Variants in LEMD1 observed in about 807,000 individuals in gnomAD.
The protein encoded by LEMD1 is LEM domain containing 1.
A neutral mutation model predicts 17.4 loss-of-function variants in LEMD1; 18 were observed. The observed-to-expected ratio is 1.04, with a 90% CI of 0.72 to 1.54. LEMD1 has a LOEUF of 1.54. Ranked by LOEUF, LEMD1 falls within the 40% of genes most tolerant of loss-of-function variation. The pLI, the probability that LEMD1 is intolerant of heterozygous loss-of-function variation, is 0.00. For missense variants in LEMD1, 195 were observed against 210.4 expected, an observed-to-expected ratio of 0.93 and a Z score of 0.45; for synonymous variants, 88 against 77.8, an observed-to-expected ratio of 1.13 and a Z score of -0.69.
chr1:205,448,475 C>T lies in LEMD1; in HGVS notation c.-39+1393G>A, dbSNP rs1666441948. 1 of 504,392 alleles carries T rather than the reference C, an allele frequency of 2.0e-6. No individual in the cohort carries two copies. The highest frequency in any genetic ancestry group is 4.0e-6 in the Non-Finnish European group (1 of 248,878). 31.2% of individuals were successfully genotyped at this position (504,392 alleles called of 1,614,324 possible). Reference sequence around the variant, plus strand: ...GAGAAGCCCTCACTCCCCTTCTCAGCACCCCCGACCCCAGACCCACCCACA... The same window carrying T: ...GAGAAGCCCTCACTCCCCTTCTCAGTACCCCCGACCCCAGACCCACCCACA... On this transcript the variant is annotated intron_variant, in intron 1 of 3. Transcript: ENST00000367154. The surrounding 1 kb of genome is among the most constrained non-coding windows in gnomAD (Gnocchi z 4.7).
chr1:205,405,435 C>T (rs1314301665), intron 4 of LEMD1, among the ~76,000 whole-genome samples: 8 of 149,058 alleles, frequency 5.4e-5, no homozygotes, highest in African/African-American at 1.5e-4. Context: ...CTTCCCTTCT[C>T]GCTTCATTTC....
chr1:205,384,875 A>G (rs932479858), intron 4 of LEMD1, among the ~76,000 whole-genome samples: 3 of 152,002 alleles, frequency 2.0e-5, no homozygotes, highest in Non-Finnish European at 2.9e-5. Flanking sequence ...TGCTAATTCT[A>G]TTGATCAAGC....
chr1:205,425,625 C>G (rs1258057158), upstream of LEMD1, among the ~76,000 whole-genome samples: 1 of 152,164 alleles, frequency 6.6e-6, no homozygotes, highest in Non-Finnish European at 1.5e-5. Context: ...AGACTCCACT[C>G]TCAAGGAGCA....
Position 205,381,663 on chromosome 1 carries a change from C to G in LEMD1, c.541G>C (p.Gly181Arg). The change falls in exon 6 of 6, where the codon GGT (glycine) becomes CGT (arginine). Residue 181 changes from glycine (G) to arginine (R), a missense_variant. By Grantham distance (125) the Gly-to-Arg change is moderately radical. Transcript: ENST00000367153. ...YLTVENKSLFG is the reference protein window; with the variant it reads ...YLTVENKSLFR ...TTGCTTTGCTCCTAAATTACTTAAC[C>G]AAACAGCGACTTATTTTCCACAGTC... The G allele has an allele frequency of 6.2e-7, 1 of 1,614,166 alleles. No homozygotes were observed. Among genetic ancestry groups the G allele is most frequent in the Non-Finnish European group, 8.5e-7 (1 of 1,180,000 alleles).
intron 4 of LEMD1, among the ~76,000 whole-genome samples, chr1:205,406,052 G>A (rs555812184): frequency 9.3e-4 from 141 of 152,160 alleles, no homozygotes; most frequent in African/African-American, 3.3e-3. Flanking sequence ...CTGTCTGATC[G>A]TTCCTCTGGA....
At chr1:205,390,179 A>C (rs745386435) in intron 4 of LEMD1, among the ~76,000 whole-genome samples, 3 of 151,988 alleles carry the variant, frequency 2.0e-5, no homozygotes, top group African/African-American at 4.8e-5. Context: ...ACATGGTGAA[A>C]CTCCACCTCT....
intron 4 of LEMD1, among the ~76,000 whole-genome samples, chr1:205,390,826 T>G (rs1664296356): frequency 6.6e-6 from 1 of 152,182 alleles, no homozygotes; most frequent in Non-Finnish European, 1.5e-5. Flanking sequence ...TGAAGGACAT[T>G]AAAGGAAATT....
At chr1:205,387,480 A>C (rs2102342714) in intron 4 of LEMD1, 1 of 152,310 alleles carries the variant, frequency 6.6e-6, no homozygotes, top group South Asian at 2.1e-4. Context: ...TCATCTTTTA[A>C]AAAATTCCAT....
intron 4 of LEMD1, among the ~76,000 whole-genome samples, chr1:205,395,620 G>T (rs2102369009): frequency 6.7e-6 from 1 of 149,396 alleles, no homozygotes; most frequent in South Asian, 2.1e-4. Context: ...AAAAAAAAGA[G>T]AAAGAAATTG....
intron 2 of LEMD1, among the ~76,000 whole-genome samples, chr1:205,420,178 C>T (rs755656231): frequency 1.4e-4 from 21 of 152,154 alleles, no homozygotes; most frequent in Non-Finnish European, 2.5e-4. Flanking sequence ...ATTAGTGGGG[C>T]ATGGTGGTGT....
chr1:205,422,151 G>C (rs1665984045), upstream of LEMD1: 1 of 152,174 alleles, frequency 6.6e-6, no homozygotes, highest in Non-Finnish European at 1.5e-5. Flanking sequence ...CATAGCAACA[G>C]ATTGATGTGC....
At chr1:205,409,515 A>G (rs1180121918) in intron 4 of LEMD1, among the ~76,000 whole-genome samples, 1 of 152,170 alleles carries the variant, frequency 6.6e-6, no homozygotes, top group East Asian at 1.9e-4. Context: ...TTATTTATAG[A>G]TGAGGAAACT....
At chr1:205,406,586 C>A (rs922351541) in intron 4 of LEMD1, among the ~76,000 whole-genome samples, 1 of 152,196 alleles carries the variant, frequency 6.6e-6, no homozygotes, top group Admixed American at 6.5e-5. Flanking sequence ...TGGGAGTGGC[C>A]CGATTTTCCA....
chr1:205,420,075 TG>T (rs1257150986), intron 2 of LEMD1, among the ~76,000 whole-genome samples: 2 of 152,170 alleles, frequency 1.3e-5, no homozygotes, highest in East Asian at 3.9e-4. Flanking sequence ...TCCAGCACTT[TG>T]GGAGGCCAAG....
chr1:205,433,483 G>A (rs559356183), intron 1 of LEMD1, among the ~76,000 whole-genome samples: 1 of 152,168 alleles, frequency 6.6e-6, no homozygotes, highest in South Asian at 2.1e-4. Context: ...ATATTAAATT[G>A]TGAGTTTCTC....
At chr1:205,411,846 C>T (rs889194477) in intron 4 of LEMD1, among the ~76,000 whole-genome samples, 1 of 152,030 alleles carries the variant, frequency 6.6e-6, no homozygotes, top group Non-Finnish European at 1.5e-5. Context: ...CTGGCAGGGA[C>T]GAGCATGTTG....
chr1:205,434,976 G>A (rs754848770), intron 1 of LEMD1: 1 of 152,186 alleles, frequency 6.6e-6, no homozygotes, highest in Non-Finnish European at 1.5e-5. Context: ...TACTCCAGGT[G>A]CATAGATTCG....
At position 205,434,032 on chromosome 1, in the gene LEMD1, A is replaced by G. The variant is rs559605325; in HGVS notation, c.-38-13458T>C. On this transcript the variant is annotated intron_variant, in intron 1 of 3. Transcript: ENST00000367154. Reference sequence around the variant, plus strand: ...TAATAATTCTTTTTCAAACAGCTTTATGGATATATAATCACATACATGATA... The same window carrying G: ...TAATAATTCTTTTTCAAACAGCTTTGTGGATATATAATCACATACATGATA... 2.6e-5 allele frequency among the ~76,000 whole-genome samples: 4 copies of G among 152,276 alleles called. No individual in the cohort carries two copies. The East Asian group carries it at 5.8e-4, about 22-fold the overall frequency.
At chr1:205,391,276 T>C (rs1574948710) in intron 4 of LEMD1, among the ~76,000 whole-genome samples, 1 of 151,928 alleles carries the variant, frequency 6.6e-6, no homozygotes, top group Admixed American at 6.6e-5. Flanking sequence ...AACAAGCCTA[T>C]GAAGACTCTG....
Sources: gnomAD v4.1 joint callset for allele counts (sites outside exome capture counted in the v4.1 genomes callset) on GRCh38, gnomAD v4.1.1 for gene constraint, Gnocchi (gnomAD v3.1) non-coding constraint, MANE v1.5 for transcripts, NCBI Gene and HGNC (gene_info 2026-07-23, HGNC 2026-07-21) for gene names.